CENPP: variants seen among roughly 807,000 people sequenced by gnomAD.
The protein encoded by CENPP is centromere protein P.
In CENPP, 24 loss-of-function variants were observed where a neutral mutation model predicts 35.6. The observed-to-expected ratio is 0.67, with a 90% CI of 0.49 to 0.95. The LOEUF (loss-of-function observed/expected upper bound fraction) is 0.95. Among genes scored for constraint, CENPP ranks in the 40% least tolerant of loss-of-function variants. The pLI is 0.00. For missense variants in CENPP, 332 were observed against 345.3 expected (o/e 0.96, Z 0.31); for synonymous variants, 120 against 125.5 (o/e 0.96, Z 0.29).
At chr9:92,448,504 T>G (rs1168103717) in intron 5 of CENPP, among the ~76,000 whole-genome samples, 1 of 151,236 alleles carries the variant, frequency 6.6e-6, no homozygotes, top group African/African-American at 2.4e-5. Flanking sequence ...CTCCTGAGGG[T>G]TAGGGGTTTT....
At chr9:92,612,868 C>G in intron 7 of CENPP, 151 bp from the exon 8 acceptor site, 2 of 959,408 alleles carry the variant, frequency 2.1e-6, no homozygotes, top group Non-Finnish European at 3.2e-6. Context: ...CCTCCACTCA[C>G]TCCATCTCCT....
intron 5 of CENPP, among the ~76,000 whole-genome samples, chr9:92,589,811 T>C (rs1331116760): frequency 6.6e-6 from 1 of 152,254 alleles, no homozygotes; most frequent in Non-Finnish European, 1.5e-5. Flanking sequence ...GAATGCCTTT[T>C]TAAACTACTT....
intron 5 of CENPP, among the ~76,000 whole-genome samples, chr9:92,410,294 G>T (rs1006599864): frequency 6.6e-5 from 10 of 152,164 alleles, no homozygotes; most frequent in African/African-American, 2.4e-4. Context: ...GCATTTTCAA[G>T]TACCAAAAAA....
chr9:92,446,249 T>C (rs1178958814), intron 5 of CENPP, among the ~76,000 whole-genome samples: 2 of 152,182 alleles, frequency 1.3e-5, no homozygotes, highest in Non-Finnish European at 2.9e-5. Context: ...TTTTCTATAT[T>C]TGGGTTCATT....
chr9:92,601,165 A>G (rs1202872065), intron 5 of CENPP, among the ~76,000 whole-genome samples: 1 of 152,216 alleles, frequency 6.6e-6, no homozygotes, highest in Non-Finnish European at 1.5e-5. Flanking sequence ...TTCTGCTTGT[A>G]TCACTACATG....
At chr9:92,459,649 C>T in intron 5 of CENPP, 1 of 1,612,854 alleles carries the variant, frequency 6.2e-7, no homozygotes, top group Non-Finnish European at 8.5e-7. Context: ...TATTTCAACT[C>T]TGGTAATCCT....
At chr9:92,564,118 G>A (rs1849907960) in intron 5 of CENPP, among the ~76,000 whole-genome samples, 1 of 152,158 alleles carries the variant, frequency 6.6e-6, no homozygotes, top group African/African-American at 2.4e-5. Context: ...TGGGCATAGT[G>A]GCTCACTCCT....
intron 2 of CENPP, among the ~76,000 whole-genome samples, chr9:92,335,065 A>G (rs757953900): frequency 1.1e-4 from 16 of 152,144 alleles, no homozygotes; most frequent in Non-Finnish European, 2.1e-4. Flanking sequence ...GCATGCCTGT[A>G]GTACCAGCTG....
chr9:92,526,199 C>T (rs1344336593), intron 5 of CENPP, among the ~76,000 whole-genome samples: 1 of 151,864 alleles, frequency 6.6e-6, no homozygotes, highest in Non-Finnish European at 1.5e-5. Context: ...CAATGAAGGC[C>T]TAGGCTAATG....
At chr9:92,385,858 T>C in intron 5 of CENPP, 20 of 1,498,976 alleles carry the variant, frequency 1.3e-5, no homozygotes, top group Non-Finnish European at 1.8e-5. Flanking sequence ...ATATAATGGG[T>C]AAAGGAAACC....
intron 5 of CENPP, among the ~76,000 whole-genome samples, chr9:92,464,490 C>G (rs1845231281): frequency 1.3e-5 from 2 of 152,228 alleles, no homozygotes; most frequent in Admixed American, 1.3e-4. Flanking sequence ...CCATTCCTGC[C>G]AGAGCCAGGG....
In CENPP at chr9:92,349,428, G is replaced by T. The variant is rs996486576; in HGVS notation, c.467+3641G>T. 6.1e-4 allele frequency among the ~76,000 whole-genome samples: 89 copies of T among 146,862 alleles called. 1 individual carries two copies. The highest frequency in any genetic ancestry group is 6.0e-3 in the Admixed American group (88 of 14,674). On this transcript the variant is annotated intron_variant, in intron 4 of 7. Coordinates refer to ENST00000375587, the MANE Select transcript of CENPP (RefSeq NM_001012267.3). ...TTTTTTATTTTTTTTTTTTTGAGAC[G>T]GAGTCTCGCCCTGTCACCAGGCTGG...
intron 5 of CENPP, among the ~76,000 whole-genome samples, chr9:92,391,225 T>C (rs1489792509): frequency 6.8e-6 from 1 of 146,954 alleles, no homozygotes; most frequent in Non-Finnish European, 1.5e-5. Context: ...TGAAACCCCA[T>C]CTCTACTAAA....
intron 7 of CENPP, 53 bp downstream of exon 7, chr9:92,612,667 G>A: frequency 7.6e-7 from 1 of 1,318,266 alleles, no homozygotes; most frequent in Non-Finnish European, 1.1e-6. Context: ...GCCCAGCAAA[G>A]CCGCCTGCCT....
intron 5 of CENPP, among the ~76,000 whole-genome samples, chr9:92,505,888 T>TGGTCCTGGTTG (rs1430382010): frequency 6.6e-6 from 1 of 152,116 alleles, no homozygotes; most frequent in Non-Finnish European, 1.5e-5. Flanking sequence ...CAGAACTAAA[T>TGGTCCTGGTTG]GCATGGTCCA....
intron 5 of CENPP, chr9:92,417,081 GAGGAA>G (rs1843637211): frequency 6.2e-7 from 1 of 1,613,910 alleles, no homozygotes; most frequent in Non-Finnish European, 8.5e-7. Context: ...GATTTAGGAA[GAGGAA>G]ATGGAAATTC....
intron 5 of CENPP, among the ~76,000 whole-genome samples, chr9:92,545,565 C>T (rs756155350): frequency 2.0e-5 from 3 of 152,240 alleles, no homozygotes; most frequent in Non-Finnish European, 4.4e-5. Flanking sequence ...CGAGCCTCCC[C>T]GACGAGCTCT....
chr9:92,535,536 TATTA>T (rs1207060187), intron 5 of CENPP, among the ~76,000 whole-genome samples: 1 of 152,150 alleles, frequency 6.6e-6, no homozygotes, highest in Non-Finnish European at 1.5e-5. Context: ...ACTTTAAAAA[TATTA>T]ATTTAGAATT....
At chr9:92,483,428 T>C (rs1218649020) in intron 5 of CENPP, among the ~76,000 whole-genome samples, 2 of 152,098 alleles carry the variant, frequency 1.3e-5, no homozygotes, top group Non-Finnish European at 2.9e-5. Context: ...CAGTGTTTCA[T>C]TGTGTTAGCC....
Sources: gnomAD v4.1 joint callset for allele counts (sites outside exome capture counted in the v4.1 genomes callset) on GRCh38, gnomAD v4.1.1 for gene constraint, MANE v1.5 for transcripts, NCBI Gene and HGNC (gene_info 2026-07-23, HGNC 2026-07-21) for gene names.